The following ADARB2 variants were observed in gnomAD, a reference collection of about 807,000 sequenced individuals.
The protein encoded by ADARB2 is adenosine deaminase RNA specific B2 (inactive).
Under a neutral mutation model 62.2 loss-of-function variants are expected in ADARB2, and 25 were observed. The observed-to-expected ratio is 0.40, with a 90% confidence interval of 0.29 to 0.56. The LOEUF is 0.56. Among genes scored for constraint, ADARB2 ranks in the 20% least tolerant of loss-of-function variants. The probability of loss-of-function intolerance (pLI) is 0.43; values close to 1 mark genes in which losing one functional copy is unlikely to be tolerated. For missense variants in ADARB2, 1,071 were observed against 1,077.4 expected (o/e 0.99, Z 0.08); for synonymous variants, 572 against 500.8 (o/e 1.14, Z -1.90).
At chr10:1,562,431 G>T (rs967611882) in intron 1 of ADARB2, among the ~76,000 whole-genome samples, 48 of 147,076 alleles carry the variant, frequency 3.3e-4, no homozygotes, top group African/African-American at 1.1e-3. Flanking sequence ...GGGAGAAAAG[G>T]TTCCCAGCAT....
intron 3 of ADARB2, among the ~76,000 whole-genome samples, chr10:1,302,817 C>CTAACA (rs1196388478): frequency 6.6e-6 from 1 of 152,160 alleles, no homozygotes; most frequent in Non-Finnish European, 1.5e-5. Flanking sequence ...AGCTGAGGGT[C>CTAACA]CTGTCTGTTA....
At chr10:1,391,440 T>G (rs1832569999) in intron 1 of ADARB2, among the ~76,000 whole-genome samples, 1 of 152,194 alleles carries the variant, frequency 6.6e-6, no homozygotes, top group Non-Finnish European at 1.5e-5. Flanking sequence ...GTCCATTCTT[T>G]GGGTTTGGAC....
chr10:1,339,095 C>T (rs1410909517), intron 3 of ADARB2, among the ~76,000 whole-genome samples: 1 of 152,204 alleles, frequency 6.6e-6, no homozygotes, highest in Non-Finnish European at 1.5e-5. Flanking sequence ...TGGGTTTCTC[C>T]TCCCTGGACC....
At chr10:1,645,739 G>A (rs1433740921) in intron 1 of ADARB2, among the ~76,000 whole-genome samples, 9 of 151,946 alleles carry the variant, frequency 5.9e-5, no homozygotes, top group Admixed American at 2.6e-4. Flanking sequence ...TCTCCATCAC[G>A]AAACTCTGCA....
intron 1 of ADARB2, among the ~76,000 whole-genome samples, chr10:1,569,035 G>T (rs1049920350): frequency 6.6e-6 from 1 of 151,722 alleles, no homozygotes; most frequent in East Asian, 1.9e-4. Context: ...AGACAGAGCG[G>T]GACAGAGATA....
intron 6 of ADARB2, among the ~76,000 whole-genome samples, chr10:1,221,283 G>A (rs1025690406): frequency 1.3e-5 from 2 of 152,150 alleles, no homozygotes; most frequent in Non-Finnish European, 2.9e-5. Context: ...AATTCTGACA[G>A]TCCAAGTCAT....
intron 3 of ADARB2, among the ~76,000 whole-genome samples, chr10:1,296,358 C>T (rs1023476743): frequency 1.1e-4 from 16 of 152,236 alleles, no homozygotes; most frequent in African/African-American, 3.6e-4. Context: ...CTAAAGCTTT[C>T]ATTCCCCACT....
intron 1 of ADARB2, among the ~76,000 whole-genome samples, chr10:1,411,582 C>T (rs554490870): frequency 6.6e-6 from 1 of 152,216 alleles, no homozygotes; most frequent in Non-Finnish European, 1.5e-5. Flanking sequence ...TTCACTAAAG[C>T]GACAGGCACC....
At position 1,293,209 on chromosome 10, in the gene ADARB2, A is replaced by AGGGAGAGAGGGACG. The variant is rs1831490272; in HGVS notation, c.1078-22141_1078-22140insCGTCCCTCTCTCCC. On this transcript the variant is annotated intron_variant, in intron 3 of 9. Coordinates refer to ENST00000381312, the MANE Select transcript of ADARB2 (RefSeq NM_018702.4). ...AAAGACAGGAATAGAAAAAAGAGGG[A>AGGGAGAGAGGGACG]GGGAGGGAGAGAGGGACGGGGAGGG... Among the ~76,000 whole-genome samples, 13 of 94,402 alleles carry AGGGAGAGAGGGACG rather than the reference A, an allele frequency of 1.4e-4. 1 individual carries two copies. In the South Asian group the frequency reaches 5.7e-3, roughly 41 times the overall value. The allele number at this position is 94,402 out of a possible 152,430, so 61.9% of individuals were successfully genotyped here. A position where few individuals can be genotyped will look rare whatever the true frequency, so the allele number is the denominator to read the frequency against.
chr10:1,363,703 G>C lies in ADARB2; in HGVS notation c.402C>G (p.His134Gln), dbSNP rs766366626. ...GGTACTGCAGGCCCGGCCTCAGCTC[G>C]TGCAGCTGCACCAGCGCGTTCTTGG... ...VAPKNALVQL[H>Q]ELRPGLQYRT... Residue 134 changes from histidine (H) to glutamine (Q), a missense_variant, in exon 3 of 10, where the codon CAC (histidine) becomes CAG (glutamine). Physicochemically the swap from His to Gln is conservative, Grantham distance 24. Transcript: ENST00000381312. 2.9e-5 allele frequency: 46 copies of C among 1,611,396 alleles called. No homozygotes were observed. In the East Asian group the frequency reaches 1.0e-3, roughly 36 times the overall value.
chr10:1,286,403 T>TA (rs1831414857), intron 3 of ADARB2, among the ~76,000 whole-genome samples: 1 of 152,172 alleles, frequency 6.6e-6, no homozygotes, highest in Admixed American at 6.5e-5. Context: ...ACAATTACAA[T>TA]AAAGCTTCAT....
At chr10:1,510,111 T>C (rs535787131) in intron 1 of ADARB2, among the ~76,000 whole-genome samples, 4 of 29,812 alleles carry the variant, frequency 1.3e-4, no homozygotes, top group South Asian at 2.7e-3. Flanking sequence ...TTTCTTTCTC[T>C]CTTTCTTTCT....
intron 1 of ADARB2, among the ~76,000 whole-genome samples, chr10:1,411,770 G>A (rs1171709428): frequency 1.3e-5 from 2 of 152,202 alleles, no homozygotes; most frequent in East Asian, 3.8e-4. Flanking sequence ...TACGAAGGTC[G>A]TAGACGCAAG....
chr10:1,653,195 G>A (rs1242805836), intron 1 of ADARB2, among the ~76,000 whole-genome samples: 1 of 152,214 alleles, frequency 6.6e-6, no homozygotes, highest in East Asian at 1.9e-4. Context: ...TGCTGCCACA[G>A]CCTAGAGACA....
chr10:1,571,981 TGGTGAGTGTGCA>T (rs1342296237), intron 1 of ADARB2, among the ~76,000 whole-genome samples: 3 of 89,822 alleles, frequency 3.3e-5, no homozygotes, highest in Non-Finnish European at 6.7e-5. Context: ...GTGAGTGTGC[TGGTGAGTGTGCA>T]GGTGAGTGTG....
intron 1 of ADARB2, among the ~76,000 whole-genome samples, chr10:1,565,521 C>G (rs1832848956): frequency 6.6e-6 from 1 of 152,092 alleles, no homozygotes; most frequent in Non-Finnish European, 1.5e-5. Flanking sequence ...TGAGGGGAGG[C>G]AGCAGGGAAA....
At position 1,178,775 on chromosome 10, in the gene ADARB2, G is replaced by C. The variant is rs1467507766; in HGVS notation, c.*4418C>G. 1 of 152,196 alleles carries C rather than the reference G, an allele frequency of 6.6e-6. No homozygotes were observed. The highest frequency in any genetic ancestry group is 2.4e-5 in the African/African-American group (1 of 41,448). 9.4% of individuals were successfully genotyped at this position (152,196 alleles called of 1,614,324 possible). A position where few individuals can be genotyped will look rare whatever the true frequency, so the allele number is the denominator to read the frequency against. ...GAGGACAGGCTTTGGAGGTATGTGG[G>C]ATGGCGGCTCCCTGACATGGACTAG... On this transcript the variant is annotated 3_prime_UTR_variant, in exon 10 of 10. Coordinates refer to ENST00000381312, the MANE Select transcript of ADARB2 (RefSeq NM_018702.4).
intron 6 of ADARB2, among the ~76,000 whole-genome samples, chr10:1,230,228 C>T (rs1830791254): frequency 6.6e-6 from 1 of 152,144 alleles, no homozygotes; most frequent in African/African-American, 2.4e-5. Flanking sequence ...TCCTTTGTTC[C>T]CTGGGCTTCT....
chr10:1,462,303 C>G (rs776050603), intron 1 of ADARB2, among the ~76,000 whole-genome samples: 2 of 152,162 alleles, frequency 1.3e-5, no homozygotes, highest in Non-Finnish European at 2.9e-5. Context: ...CCCCAGCAAG[C>G]CCTTTAGTGA....
Sources: gnomAD v4.1 joint callset for allele counts (sites outside exome capture counted in the v4.1 genomes callset) on GRCh38, gnomAD v4.1.1 for gene constraint, MANE v1.5 for transcripts, NCBI Gene and HGNC (gene_info 2026-07-23, HGNC 2026-07-21) for gene names.